The following GRID2 variants were observed in gnomAD, a reference collection of about 807,000 sequenced individuals.
The protein encoded by GRID2 is glutamate receptor ionotropic, delta-2.
A neutral mutation model predicts 114.8 loss-of-function variants in GRID2; 33 were observed. The observed-to-expected ratio is 0.29, with a 90% CI of 0.22 to 0.38. The LOEUF (loss-of-function observed/expected upper bound fraction) is 0.38, where lower values mean the gene tolerates loss of function less well. Ranked by LOEUF, GRID2 falls within the 10% of genes least tolerant of loss-of-function variation. The pLI, the probability that GRID2 is intolerant of heterozygous loss-of-function variation, is 1.00. For synonymous variants in GRID2, 505 were observed against 449.9 expected, an observed-to-expected ratio of 1.12 and a Z score of -1.55; for missense variants, 1,184 against 1,257.7, an observed-to-expected ratio of 0.94 and a Z score of 0.89.
At chr4:93,125,820 T>C (rs752712847) in intron 4 of GRID2, among the ~76,000 whole-genome samples, 24 of 152,276 alleles carry the variant, frequency 1.6e-4, no homozygotes, top group Non-Finnish European at 3.2e-4. Context: ...ATTCTTAAGT[T>C]TAATATCCAT....
At chr4:93,417,101 G>A (rs1421990153) in intron 9 of GRID2, among the ~76,000 whole-genome samples, 1 of 152,036 alleles carries the variant, frequency 6.6e-6, no homozygotes, top group Non-Finnish European at 1.5e-5. Flanking sequence ...GAATTTTAAT[G>A]ACAGGATTTT....
chr4:93,086,903 T>G (rs1730370324), intron 3 of GRID2, among the ~76,000 whole-genome samples: 1 of 152,144 alleles, frequency 6.6e-6, no homozygotes, highest in South Asian at 2.1e-4. Flanking sequence ...TTTTCTTTTT[T>G]TACTTAAATG....
intron 2 of GRID2, among the ~76,000 whole-genome samples, chr4:92,868,480 ATTC>A (rs1441379194): frequency 6.6e-6 from 1 of 152,198 alleles, no homozygotes; most frequent in Non-Finnish European, 1.5e-5. Context: ...TAAAGATTTC[ATTC>A]TTCTGCCAAT....
chr4:93,239,291 G>C (rs56228431), intron 8 of GRID2, among the ~76,000 whole-genome samples: 7 of 149,180 alleles, frequency 4.7e-5, no homozygotes, highest in African/African-American at 1.7e-4. Context: ...CAAATCATAT[G>C]TATATATACA....
At chr4:92,552,364 A>T (rs760117979) in intron 1 of GRID2, among the ~76,000 whole-genome samples, 7 of 152,204 alleles carry the variant, frequency 4.6e-5, no homozygotes, top group Non-Finnish European at 8.8e-5. Flanking sequence ...TCTTAATTTA[A>T]TAATAAGCAG....
In GRID2 at chr4:92,321,196, C is replaced by G. The variant is rs76546871; in HGVS notation, c.88+16452C>G. Among the ~76,000 whole-genome samples the G allele has an allele frequency of 5.7e-3, 872 of 152,198 alleles. 2 individuals are homozygous for G. Among genetic ancestry groups the G allele is most frequent in the African/African-American group, 0.02 (842 of 41,528 alleles). On this transcript the variant is annotated intron_variant, in intron 1 of 15. Transcript: ENST00000282020. ...TAAAGCCTGAAGTGGGACAGAGATC[C>G]CATTTAGAACCAAACTAAAGGAATC... is the stretch of plus-strand genomic sequence containing the variant.
At chr4:93,081,086 C>T (rs1383050156) in intron 2 of GRID2, among the ~76,000 whole-genome samples, 1 of 151,838 alleles carries the variant, frequency 6.6e-6, no homozygotes, top group Non-Finnish European at 1.5e-5. Flanking sequence ...ATCGAGTTTT[C>T]AATATTTCAA....
At chr4:92,760,609 C>T (rs1178639290) in intron 2 of GRID2, among the ~76,000 whole-genome samples, 1 of 152,148 alleles carries the variant, frequency 6.6e-6, no homozygotes, top group Admixed American at 6.6e-5. Context: ...CTACTCCTTC[C>T]TCTCACACAC....
At chr4:92,392,654 C>T (rs1401765946) in intron 1 of GRID2, among the ~76,000 whole-genome samples, 1 of 152,102 alleles carries the variant, frequency 6.6e-6, no homozygotes, top group Non-Finnish European at 1.5e-5. Flanking sequence ...TATTCAGTTA[C>T]ATTACTGAAG....
At chr4:92,662,169 A>G (rs80255143) in intron 2 of GRID2, among the ~76,000 whole-genome samples, 1,966 of 151,178 alleles carry the variant, frequency 0.013, 51 homozygotes, top group African/African-American at 0.045. Flanking sequence ...AATGCAATAG[A>G]TAGCCAAATC....
intron 2 of GRID2, among the ~76,000 whole-genome samples, chr4:92,695,923 A>C (rs1158189151): frequency 1.3e-5 from 2 of 152,166 alleles, no homozygotes; most frequent in Non-Finnish European, 2.9e-5. Flanking sequence ...CGATATATTA[A>C]ACAATTTATT....
At chr4:92,960,950 T>C (rs1752755596) in intron 2 of GRID2, among the ~76,000 whole-genome samples, 1 of 151,908 alleles carries the variant, frequency 6.6e-6, no homozygotes, top group African/African-American at 2.4e-5. Context: ...GTGGTTGCTC[T>C]GAAGTTTGCA....
chr4:93,738,143 A>ATT (rs1731078071), intron 14 of GRID2, among the ~76,000 whole-genome samples: 1 of 152,180 alleles, frequency 6.6e-6, no homozygotes. Flanking sequence ...GACAGAGGAA[A>ATT]TAGCATGTGT....
At chr4:92,940,634 C>T (rs893324877) in intron 2 of GRID2, among the ~76,000 whole-genome samples, 1 of 152,128 alleles carries the variant, frequency 6.6e-6, no homozygotes, top group African/African-American at 2.4e-5. Context: ...GAGGGCATCC[C>T]TGTCTTGTGC....
intron 14 of GRID2, among the ~76,000 whole-genome samples, chr4:93,766,257 A>T (rs1733664254): frequency 1.3e-5 from 2 of 152,206 alleles, no homozygotes; most frequent in South Asian, 2.1e-4. Context: ...GTTTATAAAG[A>T]AAGAAGTTTA....
chr4:92,442,645 T>C (rs28878527), intron 1 of GRID2, among the ~76,000 whole-genome samples: 151,942 of 151,970 alleles, frequency 1, 75,957 homozygotes, highest in Middle Eastern at 1. Flanking sequence ...TATTTAATGT[T>C]GGGAGCAGAT....
At chr4:92,698,390 T>G (rs1734520890) in intron 2 of GRID2, among the ~76,000 whole-genome samples, 1 of 152,012 alleles carries the variant, frequency 6.6e-6, no homozygotes, top group African/African-American at 2.4e-5. Context: ...CTGCCCTACC[T>G]AAAATGGGGG....
intron 13 of GRID2, among the ~76,000 whole-genome samples, chr4:93,547,712 A>G (rs998603120): frequency 3.3e-5 from 5 of 152,300 alleles, no homozygotes; most frequent in Non-Finnish European, 5.9e-5. Flanking sequence ...ACATCCAGAA[A>G]GTGGTAGATC....
At chr4:92,655,570 T>C (rs75279107) in intron 2 of GRID2, among the ~76,000 whole-genome samples, 189 of 152,094 alleles carry the variant, frequency 1.2e-3, no homozygotes, top group Middle Eastern at 6.8e-3. Context: ...TTTTATAGTT[T>C]TCCTTGCAGA....
Sources: gnomAD v4.1 joint callset for allele counts (sites outside exome capture counted in the v4.1 genomes callset) on GRCh38, gnomAD v4.1.1 for gene constraint, MANE v1.5 for transcripts, NCBI Gene and HGNC (gene_info 2026-07-23, HGNC 2026-07-21) for gene names.